YAP1: variants seen among roughly 807,000 people sequenced by gnomAD.
YAP1 encodes transcriptional coactivator YAP1.
In YAP1, 5 loss-of-function variants were observed where a neutral mutation model predicts 56.9. The observed-to-expected ratio is 0.09, with a 90% CI of 0.05 to 0.18. YAP1 has a LOEUF of 0.18. Ranked by LOEUF, YAP1 falls within the 10% of genes least tolerant of loss-of-function variation. The probability of loss-of-function intolerance (pLI) is 1.00; values close to 1 mark genes in which losing one functional copy is unlikely to be tolerated. For synonymous variants in YAP1, 265 were observed against 248.1 expected, an observed-to-expected ratio of 1.07 and a Z score of -0.64; for missense variants, 539 against 651.8, an observed-to-expected ratio of 0.83 and a Z score of 1.88.
chr11:102,195,309 T>A (rs1948517520), intron 4 of YAP1, among the ~76,000 whole-genome samples: 1 of 152,194 alleles, frequency 6.6e-6, no homozygotes, highest in African/African-American at 2.4e-5. Flanking sequence ...CATTCATGAT[T>A]GTATTGTTTG....
chr11:102,200,753 G>A (rs536485176), intron 4 of YAP1, among the ~76,000 whole-genome samples: 1 of 152,132 alleles, frequency 6.6e-6, no homozygotes, highest in East Asian at 1.9e-4. Context: ...CTAAGAATAA[G>A]TTCTTATGAA....
At chr11:102,209,440 A>G in intron 5 of YAP1, 77 bp from the exon 6 acceptor site, 1 of 1,305,058 alleles carries the variant, frequency 7.7e-7, no homozygotes, top group Non-Finnish European at 1.1e-6. Context: ...ATGTCTGGAT[A>G]CAATTTGTAA....
chr11:102,111,679 C>T (rs973469520), intron 1 of YAP1, among the ~76,000 whole-genome samples: 1 of 152,176 alleles, frequency 6.6e-6, no homozygotes, highest in Non-Finnish European at 1.5e-5. Flanking sequence ...TGAAGTTGAG[C>T]CCTGGGCCCC....
chr11:102,118,992 C>T (rs1044232850), intron 2 of YAP1, among the ~76,000 whole-genome samples: 2 of 151,916 alleles, frequency 1.3e-5, no homozygotes, highest in African/African-American at 4.8e-5. Flanking sequence ...AAGTTGCACA[C>T]GTGCACATGT....
intron 6 of YAP1, among the ~76,000 whole-genome samples, chr11:102,215,107 T>G (rs900016322): frequency 6.6e-6 from 1 of 152,176 alleles, no homozygotes; most frequent in African/African-American, 2.4e-5. Flanking sequence ...TAATAAAATG[T>G]TTTATTACAG....
intron 2 of YAP1, among the ~76,000 whole-genome samples, chr11:102,126,304 CTTGATATGGT>C (rs748218446): frequency 1.3e-5 from 2 of 152,032 alleles, no homozygotes; most frequent in Non-Finnish European, 2.9e-5. Flanking sequence ...TTACTGAATC[CTTGATATGGT>C]TTGGCTGTGT....
intron 7 of YAP1, among the ~76,000 whole-genome samples, chr11:102,224,158 C>T (rs17097547): frequency 0.3 from 45,536 of 152,058 alleles, 7,099 homozygotes; most frequent in East Asian, 0.36. Flanking sequence ...CAAGCTAAAA[C>T]GTTTCACCCA....
chr11:102,228,634 CAAAAAAAAAAAAAAAA>C (rs71059544), intron 8 of YAP1, among the ~76,000 whole-genome samples: 3 of 31,628 alleles, frequency 9.5e-5, no homozygotes, highest in African/African-American at 1.5e-4. Context: ...GACTCCGTCT[CAAAAAAAAAAAAAAAA>C]AAAAAAAAAA....
At position 102,114,375 on chromosome 11, in the gene YAP1, G is replaced by A. The variant is rs1943147898; in HGVS notation, c.553G>A (p.Gly185Ser). The A allele has an allele frequency of 6.2e-7, 1 of 1,613,384 alleles. No homozygotes were observed. The highest frequency in any genetic ancestry group is 8.5e-7 in the Non-Finnish European group (1 of 1,179,358). The stretch of plus-strand genomic sequence containing the variant: ...TTGGGAGATGGCAAAGACATCTTCT[G>A]GTCAGAGATACTTCTTAAAGTAAGT... Reference protein sequence around the residue: ...AGWEMAKTSSGQRYFLNHIDQ... With the variant: ...AGWEMAKTSSSQRYFLNHIDQ... Residue 185 changes from glycine to serine, a missense_variant, in exon 2 of 9, where the codon GGT becomes AGT. Around this residue, in one of 4 missense-constraint regions of YAP1, gnomAD observed 414 missense variants for 512.4 expected, o/e 0.81. Coordinates refer to ENST00000282441, the MANE Select transcript of YAP1 (RefSeq NM_001130145.3).
chr11:102,205,606 C>T (rs1249809294), intron 4 of YAP1, among the ~76,000 whole-genome samples: 1 of 151,660 alleles, frequency 6.6e-6, no homozygotes, highest in African/African-American at 2.4e-5. Flanking sequence ...AACACTTTCT[C>T]TTCTGCACCT....
At chr11:102,188,869 G>T (rs567632638) in intron 4 of YAP1, among the ~76,000 whole-genome samples, 1 of 152,116 alleles carries the variant, frequency 6.6e-6, no homozygotes, top group Non-Finnish European at 1.5e-5. Context: ...TGTTATTTAT[G>T]TAATTTTAGG....
intron 2 of YAP1, among the ~76,000 whole-genome samples, chr11:102,162,197 G>A (rs904812337): frequency 6.6e-6 from 1 of 152,138 alleles, no homozygotes; most frequent in Non-Finnish European, 1.5e-5. Context: ...CTTAATAGTT[G>A]AAGATGATTT....
chr11:102,200,252 A>G (rs574960751), intron 4 of YAP1, among the ~76,000 whole-genome samples: 1 of 152,366 alleles, frequency 6.6e-6, no homozygotes, highest in South Asian at 2.1e-4. Context: ...CACAGTTAGC[A>G]TATGGAAGAA....
chr11:102,147,927 G>GTT (rs1945415466), intron 2 of YAP1, among the ~76,000 whole-genome samples: 1 of 152,194 alleles, frequency 6.6e-6, no homozygotes. Context: ...TGATAGTCAT[G>GTT]TGAAAGGAGA....
At chr11:102,121,407 C>A (rs1270420463) in intron 2 of YAP1, among the ~76,000 whole-genome samples, 2 of 148,654 alleles carry the variant, frequency 1.3e-5, no homozygotes, top group African/African-American at 2.5e-5. Context: ...CACTTCAGCC[C>A]AGCCTGGGCA....
At chr11:102,198,876 C>T (rs1289577829) in intron 4 of YAP1, among the ~76,000 whole-genome samples, 2 of 151,890 alleles carry the variant, frequency 1.3e-5, no homozygotes, top group South Asian at 2.1e-4. Context: ...CCTCTTATAT[C>T]GTTGGCTCAA....
At chr11:102,222,527 C>T (rs953896977) in intron 6 of YAP1, among the ~76,000 whole-genome samples, 1 of 152,122 alleles carries the variant, frequency 6.6e-6, no homozygotes, top group Non-Finnish European at 1.5e-5. Context: ...TGAAGGCAGG[C>T]CTTCTGCAAC....
chr11:102,168,232 A>G (rs1215186287), intron 3 of YAP1, among the ~76,000 whole-genome samples: 4 of 152,156 alleles, frequency 2.6e-5, no homozygotes, highest in South Asian at 2.1e-4. Context: ...TATGATATAT[A>G]TTAAATTTTT....
chr11:102,163,871 A>G (rs964768442), intron 3 of YAP1, among the ~76,000 whole-genome samples: 1 of 152,144 alleles, frequency 6.6e-6, no homozygotes, highest in Admixed American at 6.6e-5. Flanking sequence ...TTTGAGTTCT[A>G]AAGAGTTAAG....
Sources: gnomAD v4.1 joint callset for allele counts (sites outside exome capture counted in the v4.1 genomes callset) on GRCh38, gnomAD v4.1.1 for gene constraint, gnomAD v4.1.1 regional missense constraint, MANE v1.5 for transcripts, NCBI Gene and HGNC (gene_info 2026-07-23, HGNC 2026-07-21) for gene names.